The following SYNPO2 variants were observed in gnomAD, a reference collection of about 807,000 sequenced individuals.
SYNPO2 encodes synaptopodin 2, also known as synaptopodin-2.
SYNPO2 carries 56 observed loss-of-function variants against 85.0 expected under a neutral mutation model. That is an observed-to-expected ratio of 0.66 (90% CI 0.53 to 0.82). The LOEUF (loss-of-function observed/expected upper bound fraction) is 0.82, where lower values mean the gene tolerates loss of function less well. Among genes scored for constraint, SYNPO2 ranks in the 40% least tolerant of loss-of-function variants. The probability of loss-of-function intolerance (pLI) is 0.00; values close to 1 mark genes in which losing one functional copy is unlikely to be tolerated. For synonymous variants in SYNPO2, 602 were observed against 591.1 expected, an observed-to-expected ratio of 1.02 and a Z score of -0.27; for missense variants, 1,575 against 1,534.2, an observed-to-expected ratio of 1.03 and a Z score of -0.44.
At chr4:119,039,930 G>A (rs1464019180) in intron 4 of SYNPO2, among the ~76,000 whole-genome samples, 1 of 152,218 alleles carries the variant, frequency 6.6e-6, no homozygotes, top group Non-Finnish European at 1.5e-5. Context: ...TAGTGATTAA[G>A]AGTGTGGGCT....
At chr4:118,937,326 A>T (rs1365977418) in intron 1 of SYNPO2, among the ~76,000 whole-genome samples, 1 of 151,796 alleles carries the variant, frequency 6.6e-6, no homozygotes. Flanking sequence ...ACCTCTGCAC[A>T]TACCTCTCCC....
intron 1 of SYNPO2, among the ~76,000 whole-genome samples, chr4:118,879,045 G>T (rs1190211282): frequency 2.0e-5 from 3 of 152,112 alleles, no homozygotes; most frequent in Non-Finnish European, 4.4e-5. Context: ...AACTCCGGAG[G>T]CACCACCTTT....
intron 1 of SYNPO2, chr4:119,006,479 C>A (rs1049710662): frequency 6.6e-6 from 1 of 152,106 alleles, no homozygotes; most frequent in Non-Finnish European, 1.5e-5. Context: ...CTATCAAGTT[C>A]TCAGAATTTA....
Position 119,057,793 on chromosome 4 carries a change from ACAGT to A in SYNPO2, c.3646_3649del (p.Gln1216CysfsTer29). On this transcript the variant is annotated frameshift_variant, in exon 5 of 5. Coordinates refer to ENST00000307142, the MANE Select transcript of SYNPO2 (RefSeq NM_133477.3). LOFTEE classifies it high-confidence loss of function. ...TGTCCACCACCTCCCAATATGGTTC[ACAGT>A]TGCCATATGCATATTATAGGCAGGC... 6.2e-7 allele frequency: 1 copy of A among 1,614,108 alleles called. No individual in the cohort carries two copies. Among genetic ancestry groups the A allele is most frequent in the East Asian group, 2.2e-5 (1 of 44,870 alleles).
intron 1 of SYNPO2, among the ~76,000 whole-genome samples, chr4:119,004,774 T>C (rs1206495318): frequency 1.3e-5 from 2 of 151,920 alleles, no homozygotes; most frequent in Non-Finnish European, 1.5e-5. Context: ...ATGGTATTTC[T>C]AGTTCTAGAT....
At chr4:119,045,563 G>A (rs1037763) in intron 4 of SYNPO2, among the ~76,000 whole-genome samples, 48,757 of 152,122 alleles carry the variant, frequency 0.32, 8,608 homozygotes, top group East Asian at 0.57. Flanking sequence ...AGAAACTGAC[G>A]AAGTCTGAAC....
chr4:119,013,830 C>G (rs954116889), intron 1 of SYNPO2, among the ~76,000 whole-genome samples: 1 of 152,174 alleles, frequency 6.6e-6, no homozygotes, highest in South Asian at 2.1e-4. Flanking sequence ...ATAAAAGATG[C>G]ATTCAAAATG....
At chr4:118,951,897 T>C (rs1405690169) in intron 1 of SYNPO2, among the ~76,000 whole-genome samples, 1 of 152,172 alleles carries the variant, frequency 6.6e-6, no homozygotes, top group Non-Finnish European at 1.5e-5. Context: ...TTTTTAATAT[T>C]TCATCCCAGA....
chr4:118,915,272 C>T (rs527940760), intron 1 of SYNPO2, among the ~76,000 whole-genome samples: 1 of 152,190 alleles, frequency 6.6e-6, no homozygotes, highest in South Asian at 2.1e-4. Flanking sequence ...ACATTAACGA[C>T]CTCAACCCCA....
At chr4:118,980,095 T>G (rs1326971261) in intron 1 of SYNPO2, among the ~76,000 whole-genome samples, 1 of 151,700 alleles carries the variant, frequency 6.6e-6, no homozygotes, top group Non-Finnish European at 1.5e-5. Flanking sequence ...AAGGGAAAGC[T>G]TCCTGAATGA....
At chr4:118,878,252 A>G (rs1333418834) in intron 1 of SYNPO2, among the ~76,000 whole-genome samples, 1 of 152,158 alleles carries the variant, frequency 6.6e-6, no homozygotes, top group Non-Finnish European at 1.5e-5. Context: ...CCACCTATGC[A>G]CTATGCTTAT....
In SYNPO2 at chr4:118,922,851, C is replaced by T. The variant is rs542530676; in HGVS notation, c.105+33710C>T. ...CGTTTAGAGATCCCAGACAGATATTCGGCTCCAGTCTGTTAAAAAATAAAA... is the reference window on the plus strand; with the variant it reads ...CGTTTAGAGATCCCAGACAGATATTTGGCTCCAGTCTGTTAAAAAATAAAA... On this transcript the variant is annotated intron_variant, in intron 1 of 4. Coordinates refer to ENST00000307142, the MANE Select transcript of SYNPO2 (RefSeq NM_133477.3). 7.2e-5 allele frequency among the ~76,000 whole-genome samples: 11 copies of T among 152,142 alleles called. No individual in the cohort carries two copies. The South Asian group carries it at 8.3e-4, about 11-fold the overall frequency.
chr4:119,026,267 A>G (rs1737938567), intron 2 of SYNPO2, among the ~76,000 whole-genome samples: 1 of 152,252 alleles, frequency 6.6e-6, no homozygotes. Flanking sequence ...TCAATAAGAC[A>G]TTGAAATGCT....
At chr4:119,028,764 T>C (rs1738086445) in intron 3 of SYNPO2, among the ~76,000 whole-genome samples, 1 of 144,424 alleles carries the variant, frequency 6.9e-6, no homozygotes, top group African/African-American at 2.5e-5. Context: ...AATCATAAAA[T>C]AGTCAAAAAT....
rs546987825 is a variant in SYNPO2 at position 118,983,741 on chromosome 4, C to T, written c.106-39689C>T. Among the ~76,000 whole-genome samples, 7 of 152,014 alleles carry T rather than the reference C, an allele frequency of 4.6e-5. 1 individual carries two copies. The highest frequency in any genetic ancestry group is 1.0e-4 in the Non-Finnish European group (7 of 68,030). Reference sequence around the variant, plus strand: ...AGAATCCTACAACTTTAACTACCACCTCTTTGCTCATAACTCCTCAGTAAT... The same window carrying T: ...AGAATCCTACAACTTTAACTACCACTTCTTTGCTCATAACTCCTCAGTAAT... On this transcript the variant is annotated intron_variant, in intron 1 of 4. Transcript: ENST00000307142.
chr4:119,016,533 A>G (rs534326264), intron 1 of SYNPO2, among the ~76,000 whole-genome samples: 79 of 152,280 alleles, frequency 5.2e-4, no homozygotes, highest in Admixed American at 1.2e-3. Context: ...TAAATTTTAC[A>G]TGTGCTTTTA....
chr4:119,026,911 AG>A lies in SYNPO2; in HGVS notation c.543del (p.Glu181AspfsTer2). ...PDSQRGRVAE[E>X]LILREKVEAV... ...TCCCAAAGAGGACGCGTGGCAGAAGAGCTGATCTTAAGGGAGAAGGTAGAAG... is the reference window on the plus strand; with the variant it reads ...TCCCAAAGAGGACGCGTGGCAGAAGACTGATCTTAAGGGAGAAGGTAGAAG... On this transcript the variant is annotated frameshift_variant, in exon 3 of 5. Transcript: ENST00000307142. LOFTEE classifies it high-confidence loss of function. The A allele has an allele frequency of 6.2e-7, 1 of 1,614,152 alleles. No homozygotes were observed. The highest frequency in any genetic ancestry group is 1.1e-5 in the South Asian group (1 of 91,082).
intron 1 of SYNPO2, among the ~76,000 whole-genome samples, chr4:118,950,380 G>A (rs147644302): frequency 0.011 from 1,680 of 152,342 alleles, 19 homozygotes; most frequent in Non-Finnish European, 0.017. Flanking sequence ...ACACAGGACA[G>A]CCCAGGGAAA....
chr4:118,924,897 A>G (rs1578555325), intron 1 of SYNPO2, among the ~76,000 whole-genome samples: 1 of 152,154 alleles, frequency 6.6e-6, no homozygotes, highest in African/African-American at 2.4e-5. Context: ...TGTGCATTTG[A>G]GTTGAATAGC....
Sources: gnomAD v4.1 joint callset for allele counts (sites outside exome capture counted in the v4.1 genomes callset) on GRCh38, gnomAD v4.1.1 for gene constraint, MANE v1.5 for transcripts, NCBI Gene and HGNC (gene_info 2026-07-23, HGNC 2026-07-21) for gene names.